ARHGEF33: variants seen among roughly 807,000 people sequenced by gnomAD.
The protein encoded by ARHGEF33 is DH and coiled-coil domain-containing protein ENSP00000381780.
In ARHGEF33, 72 loss-of-function variants were observed where a neutral mutation model predicts 101.9. The ratio of observed to expected loss-of-function variants is 0.71; its 90% CI spans 0.58 to 0.86. The LOEUF is 0.86. ARHGEF33 is among the 40% of genes least tolerant of loss of function. The pLI is 0.00. For missense variants in ARHGEF33, 1,169 were observed against 1,111.3 expected, an observed-to-expected ratio of 1.05 and a Z score of -0.74; for synonymous variants, 499 against 442.5, an observed-to-expected ratio of 1.13 and a Z score of -1.60.
intron 9 of ARHGEF33, among the ~76,000 whole-genome samples, chr2:38,942,922 A>G (rs1192692599): frequency 1.3e-5 from 2 of 152,084 alleles, no homozygotes; most frequent in African/African-American, 4.8e-5. Flanking sequence ...TTAACTTTTG[A>G]TAATTGACCT....
intron 12 of ARHGEF33, 37 bp downstream of exon 12, chr2:38,953,282 C>T: frequency 4.5e-6 from 5 of 1,120,094 alleles, no homozygotes; most frequent in Non-Finnish European, 5.3e-6. Context: ...CCTTCATCTG[C>T]ACATGGCATC....
chr2:38,952,184 GA>G (rs1437286176), intron 11 of ARHGEF33, among the ~76,000 whole-genome samples: 1 of 152,214 alleles, frequency 6.6e-6, no homozygotes, highest in African/African-American at 2.4e-5. Flanking sequence ...GACTTTGCCT[GA>G]AATCAATTTC....
chr2:38,909,981 T>TA lies in ARHGEF33; in HGVS notation c.-85-9382_-85-9381insA, dbSNP rs1340758653. On this transcript the variant is annotated intron_variant, in intron 2 of 17. Transcript: ENST00000409978. The stretch of plus-strand genomic sequence containing the variant: ...TTTATTTAGAATACGTATAGTTATT[T>TA]TTTTATTTATTTATGTAGGCTATCC... 3.6e-3 allele frequency among the ~76,000 whole-genome samples: 550 copies of TA among 152,236 alleles called. 3 individuals carry two copies. The highest frequency in any genetic ancestry group is 0.012 in the African/African-American group (501 of 41,560).
rs1194900444 is a variant in ARHGEF33, at chr2:38,975,400, A to G, written c.*1557A>G. ...CAACGCCAAATCGACTGGACGTGGA[A>G]AGTGAAATACTACAGAAGTCACAAT... is the stretch of plus-strand genomic sequence containing the variant. On this transcript the variant is annotated 3_prime_UTR_variant, in exon 18 of 18. Transcript: ENST00000409978. The G allele has an allele frequency of 6.6e-6, 1 of 152,246 alleles. No homozygotes were observed. The highest frequency in any genetic ancestry group is 1.5e-5 in the Non-Finnish European group (1 of 68,034). The allele number at this position is 152,246 out of a possible 1,614,324, so 9.4% of individuals were successfully genotyped here.
chr2:38,950,735 G>C (rs1350497226), intron 10 of ARHGEF33, among the ~76,000 whole-genome samples: 2 of 152,166 alleles, frequency 1.3e-5, no homozygotes, highest in Non-Finnish European at 2.9e-5. Flanking sequence ...TGGCATGCCA[G>C]GCCTCTTTAT....
At chr2:38,941,624 T>G in intron 9 of ARHGEF33, among the ~76,000 whole-genome samples, 1 of 151,728 alleles carries the variant, frequency 6.6e-6, no homozygotes, top group South Asian at 2.1e-4. Context: ...CTCAGCCCAC[T>G]GCAACCTCTG....
intron 13 of ARHGEF33, 68 bp downstream of exon 13, chr2:38,954,524 C>T (rs1667691253): frequency 2.4e-6 from 2 of 845,924 alleles, no homozygotes; most frequent in Non-Finnish European, 3.9e-6. Flanking sequence ...TGGCTCCCAA[C>T]TGAGAAATAC....
In ARHGEF33 at chr2:38,959,882, GC is replaced by G; in HGVS notation, c.1579del (p.Leu527Ter). 6.4e-7 allele frequency: 1 copy of G among 1,551,754 alleles called. No homozygotes were observed. Among genetic ancestry groups the G allele is most frequent in the African/African-American group, 1.4e-5 (1 of 73,174 alleles). ...PPVKKSQQQQ[S>X]LMESMQPGKP... The stretch of plus-strand genomic sequence containing the variant: ...GTGAAGAAAAGCCAACAGCAGCAAA[GC>G]CTGATGGAGAGCATGCAGCCCGGGA... On this transcript the variant is annotated frameshift_variant, in exon 16 of 18. Coordinates refer to ENST00000409978, the MANE Select transcript of ARHGEF33 (RefSeq NM_001145451.5). LOFTEE classifies it high-confidence loss of function.
At chr2:38,967,964 T>TTA (rs1668088114) in intron 17 of ARHGEF33, among the ~76,000 whole-genome samples, 1 of 139,578 alleles carries the variant, frequency 7.2e-6, no homozygotes, top group African/African-American at 3.0e-5. Context: ...TTTTTTTTTT[T>TTA]AAACCACAGT....
At position 38,911,753 on chromosome 2, in the gene ARHGEF33, G is replaced by A. The variant is rs146176250; in HGVS notation, c.-85-7610G>A. Among the ~76,000 whole-genome samples the A allele has an allele frequency of 6.2e-3, 939 of 152,304 alleles. 12 individuals are homozygous for A. The highest frequency in any genetic ancestry group is 0.021 in the African/African-American group (882 of 41,566). On this transcript the variant is annotated intron_variant, in intron 2 of 17. Coordinates refer to ENST00000409978, the MANE Select transcript of ARHGEF33 (RefSeq NM_001145451.5). ...CCGCCAGGCACTGTGGCTCACGCCT[G>A]TAATTCCAGCACTTTGAGAGGCTGA...
chr2:38,958,294 C>G (rs1667825657), intron 15 of ARHGEF33, 96 bp downstream of exon 15: 1 of 1,448,332 alleles, frequency 6.9e-7, no homozygotes, highest in Admixed American at 2.1e-5. Context: ...CCTCCATCCC[C>G]TTTCCCCATC....
Position 38,937,112 on chromosome 2 carries a change from A to G in ARHGEF33, c.566-223A>G, listed in dbSNP as rs557042703. On this transcript the variant is annotated intron_variant, in intron 8 of 17. Transcript: ENST00000409978. Reference sequence around the variant, plus strand: ...TGGGTTCAAGCGATTCTCCTGCCTCAGCCTCCTGAGTAGCTGGGACTACAG... The same window carrying G: ...TGGGTTCAAGCGATTCTCCTGCCTCGGCCTCCTGAGTAGCTGGGACTACAG... The G allele has an allele frequency of 1.9e-3, 769 of 413,674 alleles. 10 individuals carry two copies. Among genetic ancestry groups the G allele is most frequent in the African/African-American group, 0.015 (706 of 47,474 alleles). The allele number at this position is 413,674 out of a possible 1,614,324, so 25.6% of individuals were successfully genotyped here. A position where few individuals can be genotyped will look rare whatever the true frequency, so the allele number is the denominator to read the frequency against.
Position 38,892,075 on chromosome 2 carries a change from A to T in ARHGEF33, c.-159+2089A>T, listed in dbSNP as rs80183500. Among the ~76,000 whole-genome samples, 1,083 of 152,300 alleles carry T rather than the reference A, an allele frequency of 7.1e-3. 18 individuals carry two copies. Among genetic ancestry groups the T allele is most frequent in the African/African-American group, 0.024 (1,015 of 41,558 alleles). On this transcript the variant is annotated intron_variant, in intron 1 of 17. Transcript: ENST00000409978. Reference sequence around the variant, plus strand: ...TGAGTCTTCCTAAAATAATCAGAAAAATAAAGAAAAAGTGGCAGCTAATCG... The same window carrying T: ...TGAGTCTTCCTAAAATAATCAGAAATATAAAGAAAAAGTGGCAGCTAATCG...
rs777581526 is a variant in ARHGEF33 at position 38,923,444 on chromosome 2, TTCTC to T, written c.75+2023_75+2026del. On this transcript the variant is annotated intron_variant, in intron 4 of 17. Transcript: ENST00000409978. ...GAAGCAAAATATAATATTTTGGTAA[TTCTC>T]TATCTCATTTTATTTTCTGGATAGA... Among the ~76,000 whole-genome samples, 38 of 152,328 alleles carry T rather than the reference TTCTC, an allele frequency of 2.5e-4. No homozygotes were observed. In the East Asian group the frequency reaches 3.1e-3, roughly 12 times the overall value.
At chr2:38,925,002 T>A (rs1666840370) in intron 4 of ARHGEF33, among the ~76,000 whole-genome samples, 1 of 152,198 alleles carries the variant, frequency 6.6e-6, no homozygotes, top group Non-Finnish European at 1.5e-5. Context: ...TGGGATATCA[T>A]GTAGCCATCA....
intron 2 of ARHGEF33, among the ~76,000 whole-genome samples, chr2:38,902,855 G>A (rs1193847857): frequency 1.3e-5 from 2 of 152,038 alleles, no homozygotes; most frequent in Non-Finnish European, 2.9e-5. Flanking sequence ...GAAAAATAAA[G>A]CAGTGAAAGG....
intron 14 of ARHGEF33, 96 bp from the exon 15 acceptor site, chr2:38,957,938 A>G: frequency 2.1e-6 from 3 of 1,422,816 alleles, no homozygotes; most frequent in South Asian, 2.7e-5. Flanking sequence ...AGCAAACTTT[A>G]TCTGAGACAT....
Position 38,889,973 on chromosome 2 carries a change from G to A in ARHGEF33, c.-172G>A, listed in dbSNP as rs760779573. On this transcript the variant is annotated 5_prime_UTR_variant, in exon 1 of 18. Transcript: ENST00000409978. Reference sequence around the variant, plus strand: ...TTGATCTGAGGATGATATAACCACCGCAGGCAACATGGGGTAAGTATGCGC... The same window carrying A: ...TTGATCTGAGGATGATATAACCACCACAGGCAACATGGGGTAAGTATGCGC... 29 of 469,758 alleles carry A rather than the reference G, an allele frequency of 6.2e-5. No homozygotes were observed. The highest frequency in any genetic ancestry group is 2.2e-4 in the South Asian group (14 of 64,256). 29.1% of individuals were successfully genotyped at this position (469,758 alleles called of 1,614,324 possible). A position where few individuals can be genotyped will look rare whatever the true frequency, so the allele number is the denominator to read the frequency against.
At chr2:38,897,600 C>T (rs1666149151) in intron 2 of ARHGEF33, among the ~76,000 whole-genome samples, 1 of 152,084 alleles carries the variant, frequency 6.6e-6, no homozygotes, top group Non-Finnish European at 1.5e-5. Context: ...GAAAATGAAC[C>T]TATAAAATTT....
Sources: allele counts gnomAD v4.1 joint callset (sites outside exome capture counted in the v4.1 genomes callset), GRCh38; gene constraint gnomAD v4.1.1; transcripts MANE v1.5; gene names NCBI Gene and HGNC (gene_info 2026-07-23, HGNC 2026-07-21).